Variants in SPATA16 observed in about 807,000 individuals in gnomAD.
SPATA16 encodes the protein spermatogenesis associated 16, also known as spermatogenesis-associated protein 16.
Under a neutral mutation model 63.3 loss-of-function variants are expected in SPATA16, and 36 were observed. The ratio of observed to expected loss-of-function variants is 0.57; its 90% CI spans 0.44 to 0.75. The LOEUF (loss-of-function observed/expected upper bound fraction) is 0.75, where lower values mean the gene tolerates loss of function less well. Among genes scored for constraint, SPATA16 ranks in the 30% least tolerant of loss-of-function variants. The pLI is 0.00. For missense variants in SPATA16, 646 were observed against 679.3 expected, an observed-to-expected ratio of 0.95 and a Z score of 0.54; for synonymous variants, 203 against 216.7, an observed-to-expected ratio of 0.94 and a Z score of 0.56.
intron 2 of SPATA16, among the ~76,000 whole-genome samples, chr3:173,113,051 A>G (rs1308092018): frequency 1.3e-5 from 2 of 152,236 alleles, no homozygotes; most frequent in Non-Finnish European, 2.9e-5. Context: ...TCTGTCCTTT[A>G]TGTATTCCTA....
At chr3:173,129,877 G>A (rs960991648) in intron 1 of SPATA16, among the ~76,000 whole-genome samples, 1 of 152,068 alleles carries the variant, frequency 6.6e-6, no homozygotes, top group Non-Finnish European at 1.5e-5. Flanking sequence ...TGATCCACTG[G>A]AATGGGTACA....
At chr3:173,021,064 A>T (rs1447702441) in intron 3 of SPATA16, among the ~76,000 whole-genome samples, 2 of 152,220 alleles carry the variant, frequency 1.3e-5, no homozygotes, top group Non-Finnish European at 2.9e-5. Flanking sequence ...CATTAAAAAC[A>T]TGCAGACGAA....
intron 3 of SPATA16, among the ~76,000 whole-genome samples, chr3:173,035,241 C>T (rs61226895): frequency 0.022 from 3,346 of 152,106 alleles, 129 homozygotes; most frequent in African/African-American, 0.076. Context: ...AACAGTTAAA[C>T]TGTGCGATGC....
rs146544410 is a variant in SPATA16 at position 172,994,166 on chromosome 3, G to T, written c.849-17114C>A. 5.4e-3 allele frequency among the ~76,000 whole-genome samples: 827 copies of T among 152,182 alleles called. 7 individuals carry two copies. Among genetic ancestry groups the T allele is most frequent in the African/African-American group, 0.019 (795 of 41,518 alleles). On this transcript the variant is annotated intron_variant, in intron 4 of 10. Coordinates refer to ENST00000351008, the MANE Select transcript of SPATA16 (RefSeq NM_031955.6). ...TTACCTACTTTAGAATTAGATTCAA[G>T]ATTTAGATACCAAGAGTATGTGACT...
At chr3:173,040,999 G>A (rs78523843) in intron 3 of SPATA16, among the ~76,000 whole-genome samples, 3,310 of 152,086 alleles carry the variant, frequency 0.022, 73 homozygotes, top group African/African-American at 0.045. Flanking sequence ...ACAAAAATTA[G>A]CATCCTTTAT....
At chr3:173,022,756 A>C (rs924712788) in intron 3 of SPATA16, among the ~76,000 whole-genome samples, 2 of 152,088 alleles carry the variant, frequency 1.3e-5, no homozygotes, top group African/African-American at 2.4e-5. Flanking sequence ...AAAAAAAAAA[A>C]ACTACAATTG....
chr3:173,084,226 A>G (rs902577866), intron 2 of SPATA16, among the ~76,000 whole-genome samples: 3 of 152,024 alleles, frequency 2.0e-5, no homozygotes, highest in African/African-American at 7.2e-5. Flanking sequence ...GTCATGAGAT[A>G]GTATGTCATT....
chr3:173,137,822 AACACACACACACAC>A (rs1185263699), intron 1 of SPATA16, among the ~76,000 whole-genome samples: 100 of 122,288 alleles, frequency 8.2e-4, no homozygotes, highest in African/African-American at 1.3e-3. Context: ...ATGGACTCTC[AACACACACACACAC>A]ACACACACAC....
chr3:172,957,315 T>A (rs1286753844), intron 5 of SPATA16, among the ~76,000 whole-genome samples: 2 of 151,494 alleles, frequency 1.3e-5, no homozygotes, highest in Non-Finnish European at 2.9e-5. Context: ...CTTTTGGAAT[T>A]AAAAAAAAAT....
chr3:172,968,869 A>G (rs1733979089), intron 5 of SPATA16, among the ~76,000 whole-genome samples: 1 of 152,240 alleles, frequency 6.6e-6, no homozygotes. Flanking sequence ...CCATGGAAAC[A>G]TATCATTAAA....
At chr3:172,953,736 A>G (rs1380137891) in intron 6 of SPATA16, among the ~76,000 whole-genome samples, 2 of 152,160 alleles carry the variant, frequency 1.3e-5, no homozygotes, top group Non-Finnish European at 2.9e-5. Flanking sequence ...GTGTTCACTG[A>G]CCCTTTTGGA....
intron 8 of SPATA16, among the ~76,000 whole-genome samples, chr3:172,918,595 C>G (rs1264733249): frequency 6.6e-6 from 1 of 151,760 alleles, no homozygotes; most frequent in African/African-American, 2.4e-5. Context: ...AAATTGATAT[C>G]TAGTGTGGCA....
chr3:172,913,350 A>T (rs57605389), intron 10 of SPATA16, among the ~76,000 whole-genome samples: 4,907 of 152,300 alleles, frequency 0.032, 118 homozygotes, highest in South Asian at 0.087. Flanking sequence ...CACTGATGAA[A>T]GGGCTTTAAA....
intron 4 of SPATA16, among the ~76,000 whole-genome samples, chr3:172,999,394 C>A (rs956781805): frequency 2.4e-4 from 32 of 134,336 alleles, no homozygotes; most frequent in South Asian, 2.5e-4. Flanking sequence ...TCCCCTATTT[C>A]ATTTCTTTCT....
intron 6 of SPATA16, among the ~76,000 whole-genome samples, chr3:172,949,374 A>G (rs1429445670): frequency 6.6e-6 from 1 of 152,198 alleles, no homozygotes; most frequent in Admixed American, 6.5e-5. Context: ...TAGAGGAGAA[A>G]TAAATAGGAT....
intron 2 of SPATA16, among the ~76,000 whole-genome samples, chr3:173,114,461 G>T (rs1737839571): frequency 6.6e-6 from 1 of 152,088 alleles, no homozygotes; most frequent in Admixed American, 6.6e-5. Flanking sequence ...TTTTTGGCTG[G>T]ATAGAATGTG....
intron 5 of SPATA16, among the ~76,000 whole-genome samples, chr3:172,974,081 T>C (rs984471414): frequency 6.6e-6 from 1 of 152,172 alleles, no homozygotes. Flanking sequence ...ATATGAAAAA[T>C]GTTCCTAATG....
At chr3:173,106,521 C>T (rs1489240567) in intron 2 of SPATA16, among the ~76,000 whole-genome samples, 2 of 152,146 alleles carry the variant, frequency 1.3e-5, no homozygotes, top group East Asian at 3.8e-4. Context: ...AGTAACTACT[C>T]AATAAATATT....
At chr3:173,057,565 T>C (rs1397918485) in intron 2 of SPATA16, among the ~76,000 whole-genome samples, 3 of 152,234 alleles carry the variant, frequency 2.0e-5, no homozygotes, top group Non-Finnish European at 4.4e-5. Flanking sequence ...CATTATTTAC[T>C]TTATAGTTCA....
Sources: allele counts gnomAD v4.1 joint callset (sites outside exome capture counted in the v4.1 genomes callset), GRCh38; gene constraint gnomAD v4.1.1; transcripts MANE v1.5; gene names NCBI Gene and HGNC (gene_info 2026-07-23, HGNC 2026-07-21).